SAMMSON: variants seen among roughly 807,000 people sequenced by gnomAD.
SAMMSON encodes long intergenic non-protein coding RNA 1212.
chr3:70,018,219 T>A (rs1045850285), intron 3 of SAMMSON, among the ~76,000 whole-genome samples: 2 of 152,094 alleles, frequency 1.3e-5, no homozygotes, highest in Non-Finnish European at 2.9e-5. Context: ...GGTTCTGGAC[T>A]TTTTTTGTTG....
At chr3:70,014,420 C>G (rs1468338972) in intron 3 of SAMMSON, 2 of 152,198 alleles carry the variant, frequency 1.3e-5, no homozygotes, top group Admixed American at 6.5e-5. Context: ...AGAAAGGTTG[C>G]CTGCTTCTGG....
intron 4 of SAMMSON, among the ~76,000 whole-genome samples, chr3:70,079,924 C>A (rs1343866460): frequency 2.0e-5 from 3 of 152,166 alleles, no homozygotes; most frequent in Non-Finnish European, 2.9e-5. Context: ...TCAGGGGCAG[C>A]AAATGGCTTG....
chr3:70,130,123 G>T (rs1372346094), intron 4 of SAMMSON, among the ~76,000 whole-genome samples: 1 of 152,174 alleles, frequency 6.6e-6, no homozygotes, highest in Non-Finnish European at 1.5e-5. Context: ...GCTGTTCTTA[G>T]CAGGGAGTCT....
At chr3:70,419,167 G>T (rs1701291145) in intron 2 of SAMMSON, among the ~76,000 whole-genome samples, 1 of 151,992 alleles carries the variant, frequency 6.6e-6, no homozygotes, top group African/African-American at 2.4e-5. Context: ...TGGGACTACA[G>T]GTGTTTGCCA....
At chr3:70,279,213 A>C (rs1052274705) in intron 6 of SAMMSON, among the ~76,000 whole-genome samples, 1 of 151,778 alleles carries the variant, frequency 6.6e-6, no homozygotes, top group African/African-American at 2.4e-5. Context: ...CTTTGCATGT[A>C]GTGTTTCACA....
At chr3:70,336,342 T>C (rs1702660015) in intron 7 of SAMMSON, among the ~76,000 whole-genome samples, 1 of 151,990 alleles carries the variant, frequency 6.6e-6, no homozygotes, top group East Asian at 1.9e-4. Flanking sequence ...CTTTGGAAAT[T>C]GTATGCTTCA....
intron 4 of SAMMSON, among the ~76,000 whole-genome samples, chr3:70,089,837 T>C (rs2067299135): frequency 1.3e-5 from 2 of 152,192 alleles, no homozygotes; most frequent in South Asian, 4.1e-4. Flanking sequence ...GGTCAATCTT[T>C]ACAGGTAGAG....
At chr3:70,430,740 A>T (rs970385334) in intron 2 of SAMMSON, among the ~76,000 whole-genome samples, 1 of 152,160 alleles carries the variant, frequency 6.6e-6, no homozygotes, top group Non-Finnish European at 1.5e-5. Flanking sequence ...CAAGATCAAG[A>T]TATTTAAAAA....
intron 3 of SAMMSON, chr3:70,025,250 A>G (rs1301702663): frequency 1.3e-5 from 2 of 151,848 alleles, no homozygotes; most frequent in East Asian, 1.9e-4. Flanking sequence ...ATTTTTATTT[A>G]TTTATTTTTT....
chr3:70,161,813 G>A (rs73110003), intron 4 of SAMMSON, among the ~76,000 whole-genome samples: 10,732 of 151,474 alleles, frequency 0.071, 516 homozygotes, highest in Non-Finnish European at 0.11. Context: ...CTTCTTTCTG[G>A]CAATTAAATT....
chr3:70,392,972 C>A (rs1701062369), downstream of SAMMSON, among the ~76,000 whole-genome samples: 1 of 152,078 alleles, frequency 6.6e-6, no homozygotes, highest in African/African-American at 2.4e-5. Context: ...GCTATTTTTG[C>A]ACATTTTGGG....
chr3:70,200,413 C>T (rs1208829728), intron 4 of SAMMSON, among the ~76,000 whole-genome samples: 1 of 152,186 alleles, frequency 6.6e-6, no homozygotes. Flanking sequence ...ACTCACAGCA[C>T]TCCAGCCACA....
intron 7 of SAMMSON, chr3:70,291,836 C>T (rs1702242370): frequency 6.6e-6 from 1 of 152,292 alleles, no homozygotes; most frequent in Non-Finnish European, 1.5e-5. Context: ...TCAAGATGTG[C>T]TGTCTGGTGA....
In SAMMSON at chr3:70,045,957, C is replaced by T. The variant is rs12636961; in HGVS notation, n.418-25519C>T. 1.0e-3 allele frequency among the ~76,000 whole-genome samples: 153 copies of T among 152,182 alleles called. 4 individuals are homozygous for T. In the East Asian group the frequency reaches 0.025, roughly 24 times the overall value. On this transcript the variant is annotated intron_variant and non_coding_transcript_variant, in intron 3 of 9. Coordinates refer to ENST00000642114, the Ensembl canonical transcript of SAMMSON. Reference sequence around the variant, plus strand: ...AACGAGAAACGCAAGGAGAAAATAACTCTGTTCAGAGGTGATTTATCTTTT... The same window carrying T: ...AACGAGAAACGCAAGGAGAAAATAATTCTGTTCAGAGGTGATTTATCTTTT...
At chr3:70,277,624 G>T (rs1702040199) in intron 6 of SAMMSON, among the ~76,000 whole-genome samples, 1 of 152,116 alleles carries the variant, frequency 6.6e-6, no homozygotes. Flanking sequence ...ACTGCTACTT[G>T]GTTTTATGGT....
At chr3:70,290,070 A>G (rs1419342150) in intron 6 of SAMMSON, among the ~76,000 whole-genome samples, 1 of 152,210 alleles carries the variant, frequency 6.6e-6, no homozygotes, top group Non-Finnish European at 1.5e-5. Context: ...CGTCAAAGTC[A>G]TTCTCCATCC....
Position 70,366,713 on chromosome 3 carries a change from T to A in SAMMSON, n.913+8389T>A, listed in dbSNP as rs12631151. Among the ~76,000 whole-genome samples the A allele has an allele frequency of 8.5e-4, 129 of 151,704 alleles. 2 individuals carry two copies. Among genetic ancestry groups the A allele is most frequent in the African/African-American group, 3.1e-3 (127 of 41,478 alleles). On this transcript the variant is annotated intron_variant and non_coding_transcript_variant, in intron 9 of 9. Coordinates refer to ENST00000642114, the Ensembl canonical transcript of SAMMSON. The stretch of plus-strand genomic sequence containing the variant: ...ATTGGTTAACACAATTGCTGAATCA[T>A]ATGGTAAGACTGTTTTTAGCTTTGT...
chr3:70,167,728 T>C (rs914505978), intron 4 of SAMMSON, among the ~76,000 whole-genome samples: 5 of 151,928 alleles, frequency 3.3e-5, no homozygotes, highest in African/African-American at 1.2e-4. Flanking sequence ...CAGACCCTGA[T>C]GAACGTCAGC....
At chr3:70,205,549 GTTAT>G (rs1430114069) in intron 4 of SAMMSON, 3 of 151,862 alleles carry the variant, frequency 2.0e-5, no homozygotes, top group African/African-American at 7.3e-5. Flanking sequence ...TGCTTTATAC[GTTAT>G]TTTTTTTTGA....
Sources: gnomAD v4.1 joint callset for allele counts (sites outside exome capture counted in the v4.1 genomes callset) on GRCh38, gnomAD v4.1.1 for gene constraint, MANE v1.5 for transcripts, NCBI Gene and HGNC (gene_info 2026-07-23, HGNC 2026-07-21) for gene names.